Variants in GRID2 observed in about 807,000 individuals in gnomAD.
GRID2 encodes the protein glutamate receptor ionotropic, delta-2.
Under a neutral mutation model 114.8 loss-of-function variants are expected in GRID2, and 33 were observed. The observed-to-expected ratio is 0.29, with a 90% CI of 0.22 to 0.38. The LOEUF is 0.38. Among genes scored for constraint, GRID2 ranks in the 10% least tolerant of loss-of-function variants. The pLI is 1.00. For synonymous variants in GRID2, 505 were observed against 449.9 expected (o/e 1.12, Z -1.55); for missense variants, 1,184 against 1,257.7 (o/e 0.94, Z 0.89).
intron 14 of GRID2, among the ~76,000 whole-genome samples, chr4:93,671,606 A>G (rs1339147394): frequency 1.3e-5 from 2 of 152,198 alleles, no homozygotes; most frequent in African/African-American, 2.4e-5. Flanking sequence ...ATGTTTGTCA[A>G]AAGTCAATGA....
At chr4:93,681,608 C>T (rs1319835913) in intron 14 of GRID2, among the ~76,000 whole-genome samples, 3 of 151,950 alleles carry the variant, frequency 2.0e-5, no homozygotes, top group Admixed American at 1.3e-4. Context: ...CAGAACAGAG[C>T]CCTCATAAGT....
At chr4:93,596,571 C>T (rs535453153) in intron 13 of GRID2, among the ~76,000 whole-genome samples, 5 of 150,450 alleles carry the variant, frequency 3.3e-5, no homozygotes, top group East Asian at 2.0e-4. Flanking sequence ...GAGTGAGACT[C>T]GGTCTTAAAA....
At chr4:92,383,692 T>C (rs1729727201) in intron 1 of GRID2, among the ~76,000 whole-genome samples, 1 of 152,018 alleles carries the variant, frequency 6.6e-6, no homozygotes, top group South Asian at 2.1e-4. Flanking sequence ...CTTCTTTCTT[T>C]TCCTCTACCT....
intron 9 of GRID2, among the ~76,000 whole-genome samples, chr4:93,418,199 T>C (rs950969920): frequency 6.6e-6 from 1 of 151,844 alleles, no homozygotes; most frequent in Non-Finnish European, 1.5e-5. Flanking sequence ...TATTTCTTTA[T>C]ATGCTTGACA....
intron 2 of GRID2, among the ~76,000 whole-genome samples, chr4:93,001,763 A>G (rs1721012413): frequency 6.6e-6 from 1 of 151,752 alleles, no homozygotes; most frequent in African/African-American, 2.4e-5. Flanking sequence ...TCAACATTTC[A>G]ATGAACTATT....
chr4:92,963,045 C>G (rs1752923919), intron 2 of GRID2, among the ~76,000 whole-genome samples: 1 of 151,918 alleles, frequency 6.6e-6, no homozygotes, highest in Non-Finnish European at 1.5e-5. Context: ...TGCAATAGCA[C>G]TATGTCTAAA....
intron 2 of GRID2, among the ~76,000 whole-genome samples, chr4:92,740,136 T>C (rs775062721): frequency 1.3e-5 from 2 of 152,202 alleles, no homozygotes; most frequent in Non-Finnish European, 2.9e-5. Flanking sequence ...GATCGTGTTT[T>C]AGTCAATGCC....
At chr4:92,343,726 A>G (rs977109750) in intron 1 of GRID2, among the ~76,000 whole-genome samples, 1 of 152,054 alleles carries the variant, frequency 6.6e-6, no homozygotes, top group African/African-American at 2.4e-5. Flanking sequence ...GGCACCCGCC[A>G]CCATGCCTGG....
chr4:93,605,109 G>A (rs1468611001), intron 13 of GRID2, among the ~76,000 whole-genome samples: 3 of 152,186 alleles, frequency 2.0e-5, no homozygotes, highest in African/African-American at 7.2e-5. Context: ...CTGTTCTTGA[G>A]TAGTTCTGGG....
chr4:92,664,352 T>C (rs895715869), intron 2 of GRID2, among the ~76,000 whole-genome samples: 1 of 151,326 alleles, frequency 6.6e-6, no homozygotes, highest in South Asian at 2.1e-4. Context: ...TGTAAGACTA[T>C]GTTTTTAAAT....
intron 14 of GRID2, among the ~76,000 whole-genome samples, chr4:93,731,926 C>T (rs1050984699): frequency 4.6e-5 from 7 of 152,148 alleles, no homozygotes; most frequent in Non-Finnish European, 7.4e-5. Context: ...ATCACAGACC[C>T]GTCTTCGCAC....
intron 8 of GRID2, among the ~76,000 whole-genome samples, chr4:93,257,462 A>C (rs561678827): frequency 1.6e-4 from 24 of 151,870 alleles, no homozygotes; most frequent in African/African-American, 5.3e-4. Context: ...AAATGGCATA[A>C]TTTAAGAAAC....
intron 1 of GRID2, among the ~76,000 whole-genome samples, chr4:93,793,223 T>C (rs954508572): frequency 2.0e-5 from 3 of 152,194 alleles, no homozygotes; most frequent in Admixed American, 2.0e-4. Flanking sequence ...TTATTTTTGG[T>C]GTTTCGATGG....
intron 2 of GRID2, among the ~76,000 whole-genome samples, chr4:93,002,559 A>G (rs1721107752): frequency 6.6e-6 from 1 of 151,758 alleles, no homozygotes; most frequent in South Asian, 2.1e-4. Flanking sequence ...CCATCTGCAA[A>G]GAGTAAATTT....
intron 14 of GRID2, among the ~76,000 whole-genome samples, chr4:93,747,497 C>T (rs1011044495): frequency 6.6e-6 from 1 of 152,126 alleles, no homozygotes; most frequent in African/African-American, 2.4e-5. Flanking sequence ...AGCACCATTT[C>T]AGTGCCTGTA....
At chr4:92,727,691 A>G (rs1000691271) in intron 2 of GRID2, among the ~76,000 whole-genome samples, 1 of 152,166 alleles carries the variant, frequency 6.6e-6, no homozygotes, top group Non-Finnish European at 1.5e-5. Flanking sequence ...AGATGAAAAC[A>G]CAATATAGAT....
At chr4:93,410,207 T>A (rs1049626154) in intron 9 of GRID2, among the ~76,000 whole-genome samples, 1 of 152,190 alleles carries the variant, frequency 6.6e-6, no homozygotes, top group African/African-American at 2.4e-5. Flanking sequence ...TAAAGTAAGC[T>A]TTTTATTGTT....
At chr4:92,517,354 A>G (rs1724548759) in intron 1 of GRID2, among the ~76,000 whole-genome samples, 1 of 151,900 alleles carries the variant, frequency 6.6e-6, no homozygotes, top group African/African-American at 2.4e-5. Context: ...AGAATATTTC[A>G]TAATGTTATC....
At chr4:92,813,440 T>TA (rs1249516666) in intron 2 of GRID2, among the ~76,000 whole-genome samples, 2 of 152,124 alleles carry the variant, frequency 1.3e-5, no homozygotes, top group Non-Finnish European at 2.9e-5. Context: ...CCTAACTCCG[T>TA]ATGCTGTGGG....
Sources: allele counts gnomAD v4.1 joint callset (sites outside exome capture counted in the v4.1 genomes callset), GRCh38; gene constraint gnomAD v4.1.1; transcripts MANE v1.5; gene names NCBI Gene and HGNC (gene_info 2026-07-23, HGNC 2026-07-21).